The following KCNAB1 variants were observed in gnomAD, a reference collection of about 807,000 sequenced individuals.
KCNAB1 encodes the protein potassium voltage-gated channel subfamily A regulatory beta subunit 1.
In KCNAB1, 35 loss-of-function variants were observed where a neutral mutation model predicts 64.6. The ratio of observed to expected loss-of-function variants is 0.54; its 90% CI spans 0.41 to 0.72. The LOEUF is 0.72. KCNAB1 is among the 30% of genes least tolerant of loss of function. KCNAB1 has a pLI of 0.00. For synonymous variants in KCNAB1, 177 were observed against 183.8 expected, an observed-to-expected ratio of 0.96 and a Z score of 0.30; for missense variants, 401 against 512.9, an observed-to-expected ratio of 0.78 and a Z score of 2.11.
At chr3:156,155,510 C>G (rs1715664734) in intron 1 of KCNAB1, among the ~76,000 whole-genome samples, 1 of 152,128 alleles carries the variant, frequency 6.6e-6, no homozygotes, top group African/African-American at 2.4e-5. Flanking sequence ...AGGAAGGCCT[C>G]ACTGAGAAGA....
intron 1 of KCNAB1, among the ~76,000 whole-genome samples, chr3:156,184,893 G>A (rs926633426): frequency 6.6e-6 from 1 of 152,112 alleles, no homozygotes; most frequent in Non-Finnish European, 1.5e-5. Context: ...ACAGGCTCAT[G>A]TCTAACATGC....
At chr3:156,475,016 TA>T (rs1342619012) in intron 8 of KCNAB1, among the ~76,000 whole-genome samples, 196 bp downstream of exon 8, 1 of 152,206 alleles carries the variant, frequency 6.6e-6, no homozygotes, top group Non-Finnish European at 1.5e-5. Flanking sequence ...CTTCTTCTTT[TA>T]AAGCAGTTGA....
Position 156,515,094 on chromosome 3 carries a change from C to A in KCNAB1, c.745-6C>A. On this transcript the variant is annotated splice_polypyrimidine_tract_variant and splice_region_variant and intron_variant, in intron 9 of 13. Coordinates refer to ENST00000490337, the MANE Select transcript of KCNAB1 (RefSeq NM_172160.3). ...TAAATTTGGTTGTAATCTCATTCCT[C>A]CCTAGGAAGCCTATTCTGTAGCAAG... is the stretch of plus-strand genomic sequence containing the variant. 1 of 1,597,578 alleles carries A rather than the reference C, an allele frequency of 6.3e-7. No homozygotes were observed. The highest frequency in any genetic ancestry group is 8.5e-7 in the Non-Finnish European group (1 of 1,173,858).
chr3:156,344,676 A>T (rs1478891154), intron 1 of KCNAB1, among the ~76,000 whole-genome samples: 1 of 152,232 alleles, frequency 6.6e-6, no homozygotes, highest in Non-Finnish European at 1.5e-5. Flanking sequence ...AGTGATTCTG[A>T]GCAACATGGT....
chr3:156,490,949 T>A (rs1715588887), intron 8 of KCNAB1, among the ~76,000 whole-genome samples: 1 of 152,078 alleles, frequency 6.6e-6, no homozygotes, highest in African/African-American at 2.4e-5. Flanking sequence ...TTTCAGAGAT[T>A]TAATTGAATA....
intron 1 of KCNAB1, among the ~76,000 whole-genome samples, chr3:156,295,105 T>C (rs997862341): frequency 2.0e-5 from 3 of 152,182 alleles, no homozygotes; most frequent in African/African-American, 4.8e-5. Flanking sequence ...AACATAATTG[T>C]CTAATAGAAG....
chr3:156,453,656 A>C (rs952789423), intron 3 of KCNAB1, among the ~76,000 whole-genome samples: 2 of 152,206 alleles, frequency 1.3e-5, no homozygotes, highest in African/African-American at 4.8e-5. Context: ...GAATACCTTC[A>C]TGGCATAAGT....
chr3:156,471,024 A>G (rs1032156381), intron 7 of KCNAB1, among the ~76,000 whole-genome samples: 7 of 152,248 alleles, frequency 4.6e-5, no homozygotes, highest in African/African-American at 1.4e-4. Flanking sequence ...AGAAAAAACT[A>G]GAAATTATAT....
At chr3:156,240,311 CCTTT>C (rs1400800091) in intron 1 of KCNAB1, among the ~76,000 whole-genome samples, 4 of 151,972 alleles carry the variant, frequency 2.6e-5, no homozygotes, top group Non-Finnish European at 5.9e-5. Context: ...TTCCTTCATT[CCTTT>C]CTTTCTATTT....
intron 1 of KCNAB1, among the ~76,000 whole-genome samples, chr3:156,232,381 C>CAGAATTT (rs1716583308): frequency 6.6e-6 from 1 of 152,234 alleles, no homozygotes; most frequent in Admixed American, 6.5e-5. Context: ...ACTTACACTT[C>CAGAATTT]TGTTTTGGAT....
intron 1 of KCNAB1, among the ~76,000 whole-genome samples, chr3:156,212,230 C>A (rs1715052543): frequency 6.6e-6 from 1 of 152,078 alleles, no homozygotes; most frequent in Admixed American, 6.5e-5. Flanking sequence ...ACATTCTTCA[C>A]CTGGAACACT....
chr3:156,337,333 G>C (rs1431861929), intron 1 of KCNAB1, among the ~76,000 whole-genome samples: 1 of 152,192 alleles, frequency 6.6e-6, no homozygotes, highest in Non-Finnish European at 1.5e-5. Context: ...ATTTCTCATA[G>C]GAATCAGAGA....
chr3:156,289,707 G>T (rs1380456186), intron 1 of KCNAB1, among the ~76,000 whole-genome samples: 1 of 152,178 alleles, frequency 6.6e-6, no homozygotes, highest in Non-Finnish European at 1.5e-5. Flanking sequence ...GAGAGTGAAT[G>T]ATGAGATTCT....
intron 1 of KCNAB1, among the ~76,000 whole-genome samples, chr3:156,252,567 A>G (rs1287784400): frequency 6.6e-6 from 1 of 152,180 alleles, no homozygotes; most frequent in Non-Finnish European, 1.5e-5. Flanking sequence ...CCTTCAATAT[A>G]TGAAGTTTCT....
chr3:156,197,142 G>C (rs1371373286), intron 1 of KCNAB1, among the ~76,000 whole-genome samples: 1 of 152,190 alleles, frequency 6.6e-6, no homozygotes, highest in Non-Finnish European at 1.5e-5. Context: ...TTGCATCCCA[G>C]GGATGAAGCT....
At position 156,157,860 on chromosome 3, in the gene KCNAB1, C is replaced by T. The variant is rs568406107; in HGVS notation, c.275+36974C>T. 1.4e-3 allele frequency among the ~76,000 whole-genome samples: 206 copies of T among 151,910 alleles called. 1 individual carries two copies. The highest frequency in any genetic ancestry group is 4.8e-3 in the African/African-American group (197 of 41,440). On this transcript the variant is annotated intron_variant, in intron 1 of 13. Coordinates refer to ENST00000490337, the MANE Select transcript of KCNAB1 (RefSeq NM_172160.3). ...AAAGGTGGATTATTTTTTTTCCTTT[C>T]CTCTATTCCAAATGCATGTGTATTA...
chr3:156,473,263 A>G (rs964447415), intron 7 of KCNAB1, among the ~76,000 whole-genome samples: 2 of 152,194 alleles, frequency 1.3e-5, no homozygotes, highest in Admixed American at 1.3e-4. Context: ...GGCCCACTGC[A>G]GACTAGAGAA....
intron 1 of KCNAB1, among the ~76,000 whole-genome samples, chr3:156,318,105 A>G (rs1278032938): frequency 6.6e-6 from 1 of 152,244 alleles, no homozygotes; most frequent in Non-Finnish European, 1.5e-5. Context: ...AAAGCCAAGG[A>G]GACCTCAAGT....
intron 8 of KCNAB1, among the ~76,000 whole-genome samples, chr3:156,509,847 A>C (rs1278757258): frequency 6.6e-6 from 1 of 152,206 alleles, no homozygotes; most frequent in African/African-American, 2.4e-5. Flanking sequence ...CATGTTATGC[A>C]CTTAACAGTA....
Sources: gnomAD v4.1 joint callset for allele counts (sites outside exome capture counted in the v4.1 genomes callset) on GRCh38, gnomAD v4.1.1 for gene constraint, MANE v1.5 for transcripts, NCBI Gene and HGNC (gene_info 2026-07-23, HGNC 2026-07-21) for gene names.